Variants in LHCGR observed in about 807,000 individuals in gnomAD.
LHCGR encodes the protein luteinizing hormone/choriogonadotropin receptor, also known as lutropin-choriogonadotropic hormone receptor.
LHCGR carries 55 observed loss-of-function variants against 60.7 expected under a neutral mutation model. That is an observed-to-expected ratio of 0.91 (90% CI 0.73 to 1.13). LHCGR has a LOEUF of 1.13. Among genes scored for constraint, LHCGR ranks in the 50% most tolerant of loss-of-function variants. The pLI, the probability that LHCGR is intolerant of heterozygous loss-of-function variation, is 0.00. For synonymous variants in LHCGR, 337 were observed against 316.5 expected (o/e 1.06, Z -0.69); for missense variants, 862 against 836.0 (o/e 1.03, Z -0.38).
intron 2 of LHCGR, among the ~76,000 whole-genome samples, chr2:48,730,207 G>A (rs1044300116): frequency 6.6e-6 from 1 of 152,198 alleles, no homozygotes; most frequent in African/African-American, 2.4e-5. Flanking sequence ...CACAGGAATG[G>A]ATTATTCTTG....
chr2:48,707,472 A>G (rs1430283477), intron 8 of LHCGR, among the ~76,000 whole-genome samples: 2 of 152,230 alleles, frequency 1.3e-5, no homozygotes, highest in Admixed American at 6.5e-5. Flanking sequence ...GGGACGTTTA[A>G]GTCTGCAGAA....
intron 2 of LHCGR, 70 bp from the exon 3 acceptor site, chr2:48,729,297 G>C: frequency 8.5e-7 from 1 of 1,174,566 alleles, no homozygotes; most frequent in Non-Finnish European, 1.3e-6. Flanking sequence ...ATGATTATGA[G>C]CTATGTGTGT....
chr2:48,745,031 C>T (rs1426576074), intron 1 of LHCGR, among the ~76,000 whole-genome samples: 10 of 151,734 alleles, frequency 6.6e-5, no homozygotes, highest in South Asian at 4.2e-4. Context: ...AAAAAGTGGG[C>T]GAAGGACATG....
At chr2:48,734,015 C>T (rs994965538) in intron 1 of LHCGR, among the ~76,000 whole-genome samples, 4 of 152,176 alleles carry the variant, frequency 2.6e-5, no homozygotes, top group African/African-American at 9.7e-5. Context: ...CTCCTGTATA[C>T]ATTGAGAAAA....
rs1344674158 is a variant in LHCGR at position 48,688,027 on chromosome 2, G to A, written c.1770C>T (p.Ile590=). ...TCMAPISFFA[I]SAAFKVPLIT... is the part of the protein sequence containing the mutation. ...TAAGAGGTACTTTGAAGGCAGCTGA[G>A]ATGGCAAAAAAAGAGATAGGTGCCA... The change falls in exon 11 of 11, where the codon ATC becomes ATT. Residue 590 remains isoleucine (I), a synonymous_variant. Coordinates refer to ENST00000294954, the MANE Select transcript of LHCGR (RefSeq NM_000233.4). This position sits in a 1 kb window ranked among gnomAD's most constrained non-coding sequence, Gnocchi z 5.2. The A allele has an allele frequency of 6.2e-7, 1 of 1,614,000 alleles. No homozygotes were observed. Among genetic ancestry groups the A allele is most frequent in the Non-Finnish European group, 8.5e-7 (1 of 1,180,002 alleles).
At chr2:48,729,727 G>A (rs952851767) in intron 2 of LHCGR, among the ~76,000 whole-genome samples, 4 of 152,238 alleles carry the variant, frequency 2.6e-5, no homozygotes, top group South Asian at 2.1e-4. Flanking sequence ...CCAAAATCTC[G>A]TGCTGAGGCC....
chr2:48,722,046 A>C (rs1668521020), intron 6 of LHCGR, among the ~76,000 whole-genome samples: 1 of 152,184 alleles, frequency 6.6e-6, no homozygotes, highest in Admixed American at 6.5e-5. Context: ...GCTACTCAGG[A>C]GGCTGAGGCA....
chr2:48,715,332 C>A (rs1472639486), intron 6 of LHCGR, among the ~76,000 whole-genome samples: 3 of 152,126 alleles, frequency 2.0e-5, no homozygotes, highest in African/African-American at 7.2e-5. Flanking sequence ...GAATTTCTTA[C>A]CATAAATCAT....
At chr2:48,738,675 C>A (rs1216758700) in intron 1 of LHCGR, among the ~76,000 whole-genome samples, 1 of 152,122 alleles carries the variant, frequency 6.6e-6, no homozygotes, top group Non-Finnish European at 1.5e-5. Context: ...CATATGTGGC[C>A]ACTGGGCAGT....
chr2:48,718,715 T>C (rs1408687105), intron 6 of LHCGR, among the ~76,000 whole-genome samples: 1 of 152,238 alleles, frequency 6.6e-6, no homozygotes, highest in Admixed American at 6.5e-5. Flanking sequence ...GAAGTCCTTT[T>C]ATAGCTGAAT....
At chr2:48,752,910 C>T (rs1670027097) in intron 1 of LHCGR, among the ~76,000 whole-genome samples, 2 of 133,846 alleles carry the variant, frequency 1.5e-5, no homozygotes, top group South Asian at 2.4e-4. Context: ...GCTTATTTTC[C>T]GTCTGCCTCT....
At chr2:48,728,875 G>C (rs773718059) in intron 3 of LHCGR, among the ~76,000 whole-genome samples, 23 of 152,162 alleles carry the variant, frequency 1.5e-4, no homozygotes, top group Non-Finnish European at 2.6e-4. Context: ...CCATAGGCAA[G>C]AGCTACTTGG....
chr2:48,715,561 C>T (rs1316668122), intron 6 of LHCGR, among the ~76,000 whole-genome samples: 1 of 152,126 alleles, frequency 6.6e-6, no homozygotes, highest in Non-Finnish European at 1.5e-5. Context: ...AAACATGCTT[C>T]ACTTGTTCCT....
intron 1 of LHCGR, among the ~76,000 whole-genome samples, chr2:48,732,120 T>C (rs968587300): frequency 3.3e-5 from 5 of 152,178 alleles, no homozygotes; most frequent in African/African-American, 1.2e-4. Context: ...TATAGGATGA[T>C]GTGTGAATGC....
intron 1 of LHCGR, among the ~76,000 whole-genome samples, chr2:48,747,992 C>T (rs1416075048): frequency 6.6e-6 from 1 of 152,098 alleles, no homozygotes; most frequent in African/African-American, 2.4e-5. Context: ...TAGGGGATAA[C>T]CATGCTAGTC....
At chr2:48,739,176 G>A (rs1366524932) in intron 1 of LHCGR, among the ~76,000 whole-genome samples, 1 of 152,200 alleles carries the variant, frequency 6.6e-6, no homozygotes, top group Admixed American at 6.5e-5. Context: ...ATGCTGGAGA[G>A]GATGTGGAGA....
chr2:48,746,611 C>T (rs1355813834), intron 1 of LHCGR, among the ~76,000 whole-genome samples: 1 of 152,204 alleles, frequency 6.6e-6, no homozygotes, highest in African/African-American at 2.4e-5. Flanking sequence ...TATGTCTTAT[C>T]ATGTGAACCA....
intron 6 of LHCGR, chr2:48,720,999 C>T (rs960712711): frequency 1.4e-4 from 22 of 152,260 alleles, no homozygotes; most frequent in African/African-American, 4.6e-4. Context: ...GTTAGCTCTA[C>T]CATAAAGCCT....
Position 48,694,221 on chromosome 2 carries a change from TAC to T in LHCGR, c.947+1_947+2del. 1 of 1,512,352 alleles carries T rather than the reference TAC, an allele frequency of 6.6e-7. No individual in the cohort carries two copies. The highest frequency in any genetic ancestry group is 1.4e-5 in the African/African-American group (1 of 73,770). The allele number at this position is 1,512,352 out of a possible 1,614,324, so 93.7% of individuals were successfully genotyped here. On this transcript the variant is annotated splice_donor_variant, in intron 10 of 10. Coordinates refer to ENST00000294954, the MANE Select transcript of LHCGR (RefSeq NM_000233.4). LOFTEE classifies it high-confidence loss of function. ...CTGAGTTTCCTTGCATGCAAATACT[TAC>T]AGTGTTTTGTTATTCACTTTCCTTA...
Sources: allele counts gnomAD v4.1 joint callset (sites outside exome capture counted in the v4.1 genomes callset), GRCh38; gene constraint gnomAD v4.1.1; non-coding constraint Gnocchi (gnomAD v3.1); transcripts MANE v1.5; gene names NCBI Gene and HGNC (gene_info 2026-07-23, HGNC 2026-07-21).